PPME1: variants seen among roughly 807,000 people sequenced by gnomAD.
PPME1 encodes the protein testicular secretory protein Li 39.
PPME1 carries 17 observed loss-of-function variants against 56.9 expected under a neutral mutation model. The observed-to-expected ratio is 0.30, with a 90% CI of 0.20 to 0.45. The LOEUF (loss-of-function observed/expected upper bound fraction) is 0.45, where lower values mean the gene tolerates loss of function less well. Ranked by LOEUF, PPME1 falls within the 20% of genes least tolerant of loss-of-function variation. PPME1 has a pLI of 1.00. For synonymous variants in PPME1, 122 were observed against 156.2 expected, an observed-to-expected ratio of 0.78 and a Z score of 1.63; for missense variants, 357 against 483.2, an observed-to-expected ratio of 0.74 and a Z score of 2.45.
At chr11:74,239,879 C>T (rs754639413) in intron 9 of PPME1, among the ~76,000 whole-genome samples, 1 of 151,970 alleles carries the variant, frequency 6.6e-6, no homozygotes, top group Non-Finnish European at 1.5e-5. Flanking sequence ...CATGCCCGGC[C>T]TAAGCTCATG....
At position 74,171,350 on chromosome 11, in the gene PPME1, C is replaced by T. The variant is rs1220264018; in HGVS notation, c.-72C>T. On this transcript the variant is annotated 5_prime_UTR_variant, in exon 1 of 14. Transcript: ENST00000328257. ...GCGTCGTTAGGGGAGCGAGTCGTGA[C>T]CGGTTGGGCCACACTCAACGTGGGA... The T allele has an allele frequency of 6.5e-7, 1 of 1,535,212 alleles. No homozygotes were observed. Among genetic ancestry groups the T allele is most frequent in the Non-Finnish European group, 8.8e-7 (1 of 1,138,106 alleles).
chr11:74,179,238 T>C (rs1463952595), intron 1 of PPME1, among the ~76,000 whole-genome samples: 2 of 152,194 alleles, frequency 1.3e-5, no homozygotes, highest in Non-Finnish European at 2.9e-5. Flanking sequence ...CTGGGCCTCG[T>C]TATCATGGAA....
At chr11:74,216,119 G>A (rs1014880347) in intron 3 of PPME1, among the ~76,000 whole-genome samples, 26 of 152,076 alleles carry the variant, frequency 1.7e-4, no homozygotes, top group Admixed American at 6.5e-4. Flanking sequence ...AAAAATTTAC[G>A]TAATCTGCAC....
intron 9 of PPME1, among the ~76,000 whole-genome samples, chr11:74,242,891 A>C (rs1859405371): frequency 6.6e-6 from 1 of 151,404 alleles, no homozygotes; most frequent in Non-Finnish European, 1.5e-5. Flanking sequence ...AAAAAAAAAA[A>C]AAAAAAAAAA....
chr11:74,174,703 G>A (rs1447521319), intron 1 of PPME1, among the ~76,000 whole-genome samples: 3 of 152,076 alleles, frequency 2.0e-5, no homozygotes. Flanking sequence ...AAGTATTGTT[G>A]GATAATTTAA....
At chr11:74,194,498 C>T (rs1857929102) in intron 1 of PPME1, among the ~76,000 whole-genome samples, 1 of 151,910 alleles carries the variant, frequency 6.6e-6, no homozygotes, top group Non-Finnish European at 1.5e-5. Flanking sequence ...TCCTTACTTT[C>T]TTGCCAGCTC....
chr11:74,239,230 A>G lies in PPME1; in HGVS notation c.808A>G (p.Lys270Glu). 6.2e-7 allele frequency: 1 copy of G among 1,613,376 alleles called. No individual in the cohort carries two copies. The highest frequency in any genetic ancestry group is 1.1e-5 in the South Asian group (1 of 90,984). ...TGAGGAAGGAAGTGAGTCTATAAGC[A>G]AGAGGAAAAAGGAAGATGACATGGA... ...EDEEGSESIS[K>E]RKKEDDMETK... The change falls in exon 9 of 14, where the codon AAG becomes GAG. Residue 270 changes from lysine to glutamate, a missense_variant. Coordinates refer to ENST00000328257, the MANE Select transcript of PPME1 (RefSeq NM_016147.3).
At chr11:74,251,163 ACTTCTCCCTGGCAG>A (rs2135684971) in intron 12 of PPME1, 145 bp downstream of exon 12, 2 of 1,472,868 alleles carry the variant, frequency 1.4e-6, no homozygotes, top group Non-Finnish European at 1.8e-6. Context: ...CAGCTCTCCA[ACTTCTCCCTGGCAG>A]CTGCTTATGG....
chr11:74,219,664 CACTT>C (rs1222627034), intron 3 of PPME1, among the ~76,000 whole-genome samples: 10 of 152,186 alleles, frequency 6.6e-5, no homozygotes, highest in African/African-American at 1.9e-4. Flanking sequence ...CACATGTTCT[CACTT>C]ACTTATGGGA....
At chr11:74,191,619 C>T (rs1000212252) in intron 1 of PPME1, among the ~76,000 whole-genome samples, 2 of 152,226 alleles carry the variant, frequency 1.3e-5, no homozygotes, top group African/African-American at 4.8e-5. Flanking sequence ...GCCCAGGGCA[C>T]TGCTGCCCTG....
chr11:74,243,360 T>C (rs982820339), intron 9 of PPME1: 4 of 152,036 alleles, frequency 2.6e-5, no homozygotes, highest in African/African-American at 9.7e-5. Context: ...ATATATATTA[T>C]AATGTTACTT....
chr11:74,202,654 T>C lies in PPME1; in HGVS notation c.102-1074T>C, dbSNP rs183834109. Among the ~76,000 whole-genome samples, 136 of 152,302 alleles carry C rather than the reference T, an allele frequency of 8.9e-4. No individual in the cohort carries two copies. The Middle Eastern group carries it at 0.024, about 27-fold the overall frequency. On this transcript the variant is annotated intron_variant, in intron 1 of 13. Coordinates refer to ENST00000328257, the MANE Select transcript of PPME1 (RefSeq NM_016147.3). ...AGAATAGGTTGGAAATTGGGACAGC[T>C]TGGAATTTCTTTCTTGTATTCCATC...
In PPME1 at chr11:74,222,187, A is replaced by G. The variant is rs1858817086; in HGVS notation, c.289-125A>G. The G allele has an allele frequency of 4.2e-6, 3 of 706,472 alleles. No homozygotes were observed. In the Admixed American group the frequency reaches 8.6e-5, roughly 20 times the overall value. The allele number at this position is 706,472 out of a possible 1,614,324, so 43.8% of individuals were successfully genotyped here. ...TTCTTTCATTTTGCTTAAAACTAGA[A>G]AGTCTTTTGATTCTCTTGGGTCCTT... is the stretch of plus-strand genomic sequence containing the variant. On this transcript the variant is annotated intron_variant, in intron 3 of 13. Transcript: ENST00000328257.
At chr11:74,198,365 T>G (rs902774892) in intron 1 of PPME1, among the ~76,000 whole-genome samples, 2 of 152,202 alleles carry the variant, frequency 1.3e-5, no homozygotes, top group African/African-American at 4.8e-5. Flanking sequence ...TGCAACATAT[T>G]TTTTCCCAGA....
At chr11:74,225,363 C>G in intron 5 of PPME1, 107 bp downstream of exon 5, 1 of 829,830 alleles carries the variant, frequency 1.2e-6, no homozygotes, top group Admixed American at 3.4e-5. Flanking sequence ...ATAATTACCA[C>G]AAGGAAAATT....
At chr11:74,207,761 G>A (rs1858363847) in intron 3 of PPME1, among the ~76,000 whole-genome samples, 1 of 152,192 alleles carries the variant, frequency 6.6e-6, no homozygotes, top group South Asian at 2.1e-4. Context: ...AGCCAGAAGA[G>A]AGATGAGAGG....
At chr11:74,219,055 A>G (rs1305325444) in intron 3 of PPME1, among the ~76,000 whole-genome samples, 1 of 152,148 alleles carries the variant, frequency 6.6e-6, no homozygotes, top group Admixed American at 6.6e-5. Flanking sequence ...CTAATAATCT[A>G]ATTTTAAAAT....
chr11:74,250,950 C>T lies in PPME1; in HGVS notation c.1010-4C>T, dbSNP rs371935961. 6.3e-7 allele frequency: 1 copy of T among 1,595,924 alleles called. No homozygotes were observed. Among genetic ancestry groups the T allele is most frequent in the South Asian group, 1.1e-5 (1 of 87,520 alleles). ...GAAGTTGCCTTGCTTTGATTCCTCT[C>T]CAGGGAAGTTCCAGATGCAGGTCCT... On this transcript the variant is annotated splice_polypyrimidine_tract_variant and splice_region_variant and intron_variant, in intron 11 of 13. Transcript: ENST00000328257.
At chr11:74,211,369 C>T (rs1280196947) in intron 3 of PPME1, among the ~76,000 whole-genome samples, 1 of 152,042 alleles carries the variant, frequency 6.6e-6, no homozygotes, top group African/African-American at 2.4e-5. Flanking sequence ...GCAATCTGGT[C>T]TTTCAGATAC....
Sources: allele counts gnomAD v4.1 joint callset (sites outside exome capture counted in the v4.1 genomes callset), GRCh38; gene constraint gnomAD v4.1.1; transcripts MANE v1.5; gene names NCBI Gene and HGNC (gene_info 2026-07-23, HGNC 2026-07-21).